The following ATRX variants were observed in gnomAD, a reference collection of about 807,000 sequenced individuals.
The protein encoded by ATRX is chromatin remodeler ATRX.
Under a neutral mutation model 172.6 loss-of-function variants are expected in ATRX, and 12 were observed. The ratio of observed to expected loss-of-function variants is 0.07; its 90% confidence interval spans 0.04 to 0.11. The LOEUF is 0.11. Among genes scored for constraint, ATRX ranks in the 10% least tolerant of loss-of-function variants. The pLI is 1.00. For synonymous variants in ATRX, 674 were observed against 594.7 expected (o/e 1.13, Z -1.94); for missense variants, 1,368 against 1,767.4 (o/e 0.77, Z 4.05).
intron 13 of ATRX, among the ~76,000 whole-genome samples, chrX:77,655,412 T>A (rs2069493701): frequency 9.0e-6 from 1 of 110,588 alleles, no homozygotes; most frequent in Admixed American, 9.6e-5. Context: ...CATGAAAACA[T>A]TATGCTAAGT....
At chrX:77,781,447 A>T (rs890559989) in intron 1 of ATRX, among the ~76,000 whole-genome samples, 4 of 107,597 alleles carry the variant, frequency 3.7e-5, no homozygotes, top group Non-Finnish European at 5.8e-5. Flanking sequence ...GTCTCAAAAA[A>T]AAAAAAAAAA....
intron 13 of ATRX, 92 bp downstream of exon 13, chrX:77,656,466 CTT>C (rs2148460130): frequency 1.5e-6 from 1 of 653,502 alleles, no homozygotes; most frequent in East Asian, 3.3e-5. Context: ...ATCACACTAA[CTT>C]AACTTTATTG....
intron 1 of ATRX, among the ~76,000 whole-genome samples, chrX:77,757,439 T>C (rs1230812145): frequency 1.8e-5 from 2 of 111,826 alleles, no homozygotes; most frequent in African/African-American, 6.5e-5. Context: ...ATTTCCTTTC[T>C]CCGAAACTAA....
chrX:77,622,237 G>A (rs1018673149), intron 19 of ATRX, among the ~76,000 whole-genome samples: 3 of 111,826 alleles, frequency 2.7e-5, no homozygotes, highest in East Asian at 5.6e-4. Context: ...GGTTTGTTAC[G>A]GAGGAAAATT....
At chrX:77,721,094 G>A (rs1451580430) in intron 1 of ATRX, among the ~76,000 whole-genome samples, 1 of 111,805 alleles carries the variant, frequency 8.9e-6, no homozygotes, top group East Asian at 2.8e-4. Flanking sequence ...TATCTCAATA[G>A]ATGCAGAAAA....
At chrX:77,729,416 A>G in intron 1 of ATRX, among the ~76,000 whole-genome samples, 1 of 111,916 alleles carries the variant, frequency 8.9e-6, no homozygotes, top group East Asian at 2.8e-4. Flanking sequence ...TTTTTCTTCT[A>G]CCTTTTTGGT....
intron 1 of ATRX, among the ~76,000 whole-genome samples, chrX:77,758,836 A>G (rs1272337573): frequency 8.9e-6 from 1 of 111,902 alleles, no homozygotes; most frequent in East Asian, 2.8e-4. Context: ...TTCCATTAAG[A>G]TACTGTGAAT....
chrX:77,523,023 A>T (rs1382610632), intron 31 of ATRX, among the ~76,000 whole-genome samples: 3 of 111,029 alleles, frequency 2.7e-5, no homozygotes, highest in African/African-American at 6.6e-5. Flanking sequence ...ACTAGGCAGA[A>T]ATGGGATTAC....
At chrX:77,631,941 C>T (rs182055933) in intron 19 of ATRX, among the ~76,000 whole-genome samples, 2 of 112,183 alleles carry the variant, frequency 1.8e-5, no homozygotes, top group African/African-American at 6.5e-5. Flanking sequence ...CTCTGCACTA[C>T]CTTTTCAACT....
intron 30 of ATRX, among the ~76,000 whole-genome samples, chrX:77,555,786 T>C (rs1402840472): frequency 1.8e-5 from 2 of 110,353 alleles, no homozygotes; most frequent in Non-Finnish European, 3.8e-5. Flanking sequence ...GACGGGTTGA[T>C]AGGTGCAGCA....
At chrX:77,570,479 T>C (rs1557066792) in intron 28 of ATRX, among the ~76,000 whole-genome samples, 3 of 111,110 alleles carry the variant, frequency 2.7e-5, no homozygotes. Context: ...TTTCAACAAA[T>C]GATGCTGCAG....
Position 77,505,396 on chromosome X carries a change from G to A in ATRX, c.*2955C>T, listed in dbSNP as rs782229328. The A allele has an allele frequency of 1.6e-4, 27 of 172,578 alleles. No homozygotes were observed. Among genetic ancestry groups the A allele is most frequent in the Admixed American group, 4.0e-4 (5 of 12,482 alleles). 14.2% of individuals were successfully genotyped at this position (172,578 alleles called of 1,213,427 possible). On this transcript the variant is annotated 3_prime_UTR_variant, in exon 35 of 35. Transcript: ENST00000373344. ...CAGCTTTTCTATCAAGTGTGGGTTG[G>A]TAGCCCTGCTTGACTTAAAATGAGT...
intron 19 of ATRX, among the ~76,000 whole-genome samples, chrX:77,631,986 G>A (rs1212102574): frequency 9.1e-6 from 1 of 109,962 alleles, no homozygotes. Context: ...AAAATGAAAA[G>A]TTTTTTTTTG....
chrX:77,741,051 C>CACACA (rs2074845042), intron 1 of ATRX, among the ~76,000 whole-genome samples: 1 of 108,987 alleles, frequency 9.2e-6, no homozygotes, highest in African/African-American at 3.3e-5. Flanking sequence ...CACACACACA[C>CACACA]ACACACACAC....
intron 34 of ATRX, among the ~76,000 whole-genome samples, chrX:77,514,363 A>G (rs2147697081): frequency 8.9e-6 from 1 of 112,389 alleles, no homozygotes; most frequent in East Asian, 2.8e-4. Flanking sequence ...AAACTATACT[A>G]CAGAGCTACA....
At chrX:77,571,655 T>C (rs782582833) in intron 28 of ATRX, among the ~76,000 whole-genome samples, 1 of 111,340 alleles carries the variant, frequency 9.0e-6, no homozygotes, top group Admixed American at 9.5e-5. Flanking sequence ...ATTGTGTATA[T>C]GTGGAAAAAA....
intron 5 of ATRX, 72 bp from the exon 6 acceptor site, chrX:77,694,009 A>G: frequency 2.4e-6 from 2 of 836,772 alleles, no homozygotes; most frequent in Admixed American, 2.2e-5. Flanking sequence ...TTCAGTTCAG[A>G]TAAAGCCAAC....
chrX:77,717,169 G>C lies in ATRX; in HGVS notation c.95C>G (p.Thr32Arg). 1 of 1,210,526 alleles carries C rather than the reference G, an allele frequency of 8.3e-7. No individual in the cohort carries two copies. Among genetic ancestry groups the C allele is most frequent in the Non-Finnish European group, 1.1e-6 (1 of 894,509 alleles). ...CATTGCAAGTCGTGGAGGAGAACTT[G>C]TTTCTTCAGATTCTTCTGATGAGTG... ...LAHSSEESEETSSPPRLAMNQ... is the reference protein window; with the variant it reads ...LAHSSEESEERSSPPRLAMNQ... Residue 32 changes from threonine to arginine, a missense_variant, in exon 2 of 35, where the codon ACA (threonine) becomes AGA (arginine). By Grantham distance (71) the Thr-to-Arg change is moderately conservative (BLOSUM62 -1). Transcript: ENST00000373344.
intron 34 of ATRX, among the ~76,000 whole-genome samples, chrX:77,515,488 G>C (rs963360994): frequency 3.6e-5 from 4 of 110,893 alleles, no homozygotes; most frequent in Non-Finnish European, 7.6e-5. Flanking sequence ...GATACCTACA[G>C]TGACTGAAGC....
Sources: gnomAD v4.1 joint callset for allele counts (sites outside exome capture counted in the v4.1 genomes callset) on GRCh38, gnomAD v4.1.1 for gene constraint, MANE v1.5 for transcripts, NCBI Gene and HGNC (gene_info 2026-07-23, HGNC 2026-07-21) for gene names.